Variants in SELP observed in about 807,000 individuals in gnomAD.
SELP encodes P-selectin.
Under a neutral mutation model 104.1 loss-of-function variants are expected in SELP, and 92 were observed. The ratio of observed to expected loss-of-function variants is 0.88; its 90% CI spans 0.75 to 1.05. The LOEUF is 1.05. Among genes scored for constraint, SELP ranks in the 50% least tolerant of loss-of-function variants. The pLI is 0.00. For synonymous variants in SELP, 397 were observed against 364.5 expected (o/e 1.09, Z -1.01); for missense variants, 1,022 against 1,017.3 (o/e 1.00, Z -0.06).
chr1:169,626,715 G>T (rs530537848), intron 1 of SELP, among the ~76,000 whole-genome samples: 1 of 152,290 alleles, frequency 6.6e-6, no homozygotes, highest in East Asian at 1.9e-4. Context: ...GGGGCTGGGG[G>T]ACAGGGTCTT....
chr1:169,596,380 T>C (rs1470524101), intron 11 of SELP, among the ~76,000 whole-genome samples: 1 of 152,140 alleles, frequency 6.6e-6, no homozygotes, highest in African/African-American at 2.4e-5. Flanking sequence ...GAGGAGTCAT[T>C]GTTGTTGCTA....
intron 10 of SELP, 97 bp downstream of exon 10, chr1:169,602,929 G>A: frequency 1.0e-6 from 1 of 985,968 alleles, no homozygotes; most frequent in Non-Finnish European, 1.5e-6. Flanking sequence ...AGTGTTGTTT[G>A]CTTCAGCTCA....
Position 169,621,093 on chromosome 1 carries a change from TTG to T in SELP, c.4-1876_4-1875del, listed in dbSNP as rs113157169. ...GTAGGGTGCATGGGATGGTGTGGAG[TTG>T]TGTGTGTGTGTGTGTGTGTGTGTGT... On this transcript the variant is annotated intron_variant, in intron 1 of 16. Coordinates refer to ENST00000263686, the MANE Select transcript of SELP (RefSeq NM_003005.4). Among the ~76,000 whole-genome samples the T allele has an allele frequency of 8.8e-3, 789 of 89,914 alleles. 16 individuals are homozygous for T. The highest frequency in any genetic ancestry group is 0.016 in the African/African-American group (346 of 21,370). The allele number at this position is 89,914 out of a possible 152,430, so 59.0% of individuals were successfully genotyped here. A position where few individuals can be genotyped will look rare whatever the true frequency, so the allele number is the denominator to read the frequency against.
In SELP at chr1:169,607,073, G is replaced by C. The variant is rs148376334; in HGVS notation, c.1395C>G (p.Phe465Leu). ...NEARVNCSHP[F>L]GAFRYQSVCS... Reference sequence around the variant, plus strand: ...AGACTGACTGGTACCTAAAGGCACCGAAGGGGTGGGAGCAGTTCACCCGGG... The same window carrying C: ...AGACTGACTGGTACCTAAAGGCACCCAAGGGGTGGGAGCAGTTCACCCGGG... The change falls in exon 9 of 17, where the codon TTC (phenylalanine) becomes TTG (leucine). Residue 465 changes from phenylalanine to leucine, a missense_variant. By Grantham distance (22) the Phe-to-Leu change is conservative. Transcript: ENST00000263686. 1.2e-6 allele frequency: 2 copies of C among 1,612,936 alleles called. No individual in the cohort carries two copies. Among genetic ancestry groups the C allele is most frequent in the African/African-American group, 2.7e-5 (2 of 74,850 alleles).
At chr1:169,607,409 G>A (rs1488426331) in intron 8 of SELP, among the ~76,000 whole-genome samples, 2 of 152,074 alleles carry the variant, frequency 1.3e-5, no homozygotes, top group African/African-American at 4.8e-5. Context: ...ATGTAATCAA[G>A]ATGCATACCA....
At chr1:169,610,822 A>T (rs1662490025) in intron 7 of SELP, among the ~76,000 whole-genome samples, 2 of 151,438 alleles carry the variant, frequency 1.3e-5, no homozygotes, top group African/African-American at 4.9e-5. Context: ...AAACAAAAAC[A>T]CCAAAATCCT....
intron 15 of SELP, among the ~76,000 whole-genome samples, chr1:169,591,018 C>T (rs373920615): frequency 7.2e-5 from 11 of 152,244 alleles, no homozygotes; most frequent in Admixed American, 5.2e-4. Flanking sequence ...AGACTCTTTA[C>T]CGGAGTTGTT....
intron 10 of SELP, among the ~76,000 whole-genome samples, chr1:169,602,756 C>A (rs1264573654): frequency 2.0e-5 from 3 of 152,178 alleles, no homozygotes; most frequent in Non-Finnish European, 2.9e-5. Flanking sequence ...GGACTACAGG[C>A]ATGCACCACC....
chr1:169,606,957 T>A lies in SELP; in HGVS notation c.1511A>T (p.Glu504Val). The change falls in exon 9 of 17, where the codon GAA becomes GTA. Residue 504 changes from glutamate to valine, a missense_variant. Coordinates refer to ENST00000263686, the MANE Select transcript of SELP (RefSeq NM_003005.4). ...ATGNWNSVPP[E>V]CQAIPCTPLL... ...AAAGAATACACTCTTACCTTGGCATTCTGGAGGAACAGAATTCCAGTTTCC... is the reference window on the plus strand; with the variant it reads ...AAAGAATACACTCTTACCTTGGCATACTGGAGGAACAGAATTCCAGTTTCC... 3.7e-6 allele frequency: 6 copies of A among 1,612,968 alleles called. No homozygotes were observed. The highest frequency in any genetic ancestry group is 5.1e-6 in the Non-Finnish European group (6 of 1,179,502).
Position 169,588,902 on chromosome 1 carries a change from G to C in SELP, c.*561C>G, listed in dbSNP as rs1661211264. Reference sequence around the variant, plus strand: ...TTGAATATTGGTCTTTGGGTCATTTGAGGGACAGTGACTGGTGGCAGGAAG... The same window carrying C: ...TTGAATATTGGTCTTTGGGTCATTTCAGGGACAGTGACTGGTGGCAGGAAG... On this transcript the variant is annotated 3_prime_UTR_variant, in exon 17 of 17. Coordinates refer to ENST00000263686, the MANE Select transcript of SELP (RefSeq NM_003005.4). 2 of 152,194 alleles carry C rather than the reference G, an allele frequency of 1.3e-5. No homozygotes were observed. The highest frequency in any genetic ancestry group is 1.3e-4 in the Admixed American group (2 of 15,268). 9.4% of individuals were successfully genotyped at this position (152,194 alleles called of 1,614,324 possible).
At chr1:169,609,418 A>G (rs1209842214) in intron 8 of SELP, 86 bp downstream of exon 8, 8 of 1,323,082 alleles carry the variant, frequency 6.0e-6, no homozygotes, top group Non-Finnish European at 8.3e-6. Context: ...ATATCTGATA[A>G]AGAAAGGCAT....
chr1:169,617,046 GC>G lies in SELP; in HGVS notation c.462del (p.Lys154AsnfsTer44). 1 of 1,611,464 alleles carries G rather than the reference GC, an allele frequency of 6.2e-7. No individual in the cohort carries two copies. The highest frequency in any genetic ancestry group is 1.3e-5 in the African/African-American group (1 of 74,792). ...GCCCTACCTGTGTAACACAATGCGT[GC>G]TTTTTCTTCAAGCAGTGCTCATCAT... ...KWNDEHCLKK[K>X]HALCYTASCQ... On this transcript the variant is annotated frameshift_variant, in exon 3 of 17. Coordinates refer to ENST00000263686, the MANE Select transcript of SELP (RefSeq NM_003005.4). LOFTEE classifies it high-confidence loss of function.
chr1:169,596,492 T>C (rs1331405998), intron 11 of SELP, among the ~76,000 whole-genome samples: 4 of 152,202 alleles, frequency 2.6e-5, no homozygotes, highest in Non-Finnish European at 5.9e-5. Context: ...TATTGGGAAA[T>C]GGTACTGTTC....
At chr1:169,629,943 T>C in intron 1 of SELP, 129 bp downstream of exon 1, 2 of 1,182,992 alleles carry the variant, frequency 1.7e-6, no homozygotes, top group South Asian at 2.5e-5. Context: ...CAAAATCTAA[T>C]AGGCAATTCA....
intron 1 of SELP, among the ~76,000 whole-genome samples, chr1:169,623,192 T>C (rs1663220317): frequency 1.3e-5 from 2 of 151,914 alleles, no homozygotes; most frequent in Non-Finnish European, 2.9e-5. Context: ...CTTTGCTCTA[T>C]TCAGACAGAT....
intron 15 of SELP, among the ~76,000 whole-genome samples, chr1:169,590,468 C>G (rs1661301613): frequency 6.6e-6 from 1 of 152,218 alleles, no homozygotes; most frequent in African/African-American, 2.4e-5. Flanking sequence ...TTGCTGCAAC[C>G]TCTTCTAGGT....
chr1:169,610,973 G>A lies in SELP; in HGVS notation c.1147+519C>T, dbSNP rs79833093. 3.1e-3 allele frequency among the ~76,000 whole-genome samples: 478 copies of A among 152,232 alleles called. 4 individuals carry two copies. Among genetic ancestry groups the A allele is most frequent in the African/African-American group, 9.9e-3 (413 of 41,514 alleles). ...AGGTCTGGGAATTCACTAATCTATC[G>A]TAAATTTCCTATTCTCCCATTACCA... is the stretch of plus-strand genomic sequence containing the variant. On this transcript the variant is annotated intron_variant, in intron 7 of 16. Transcript: ENST00000263686.
Position 169,630,080 on chromosome 1 carries a change from C to G in SELP, c.-6G>C. ...GAAAAAAATAAACTCACCATCTCCTCTGTGACTCTGCTGGTTTTCTGCCTT... is the reference window on the plus strand; with the variant it reads ...GAAAAAAATAAACTCACCATCTCCTGTGTGACTCTGCTGGTTTTCTGCCTT... On this transcript the variant is annotated 5_prime_UTR_variant, in exon 1 of 17. Coordinates refer to ENST00000263686, the MANE Select transcript of SELP (RefSeq NM_003005.4). The G allele has an allele frequency of 6.2e-7, 1 of 1,614,208 alleles. No individual in the cohort carries two copies. Among genetic ancestry groups the G allele is most frequent in the Non-Finnish European group, 8.5e-7 (1 of 1,180,014 alleles).
intron 8 of SELP, among the ~76,000 whole-genome samples, 195 bp downstream of exon 8, chr1:169,609,309 A>T (rs556740748): frequency 1.3e-5 from 2 of 152,294 alleles, no homozygotes; most frequent in East Asian, 3.9e-4. Context: ...CCTTGACTAT[A>T]CTATAGTGGA....
Sources: gnomAD v4.1 joint callset for allele counts (sites outside exome capture counted in the v4.1 genomes callset) on GRCh38, gnomAD v4.1.1 for gene constraint, MANE v1.5 for transcripts, NCBI Gene and HGNC (gene_info 2026-07-23, HGNC 2026-07-21) for gene names.